Variants in ATP6V0A2 observed in about 807,000 individuals in gnomAD.
The protein encoded by ATP6V0A2 is ATPase H+ transporting V0 subunit a2.
ATP6V0A2 carries 58 observed loss-of-function variants against 104.4 expected under a neutral mutation model. The observed-to-expected ratio is 0.56, with a 90% CI of 0.45 to 0.69. ATP6V0A2 has a LOEUF of 0.69. Among genes scored for constraint, ATP6V0A2 ranks in the 30% least tolerant of loss-of-function variants. The pLI is 0.00. For missense variants in ATP6V0A2, 938 were observed against 1,062.9 expected (o/e 0.88, Z 1.63); for synonymous variants, 376 against 397.9 (o/e 0.95, Z 0.65).
intron 9 of ATP6V0A2, among the ~76,000 whole-genome samples, chr12:123,738,069 A>G (rs1000309309): frequency 6.6e-6 from 1 of 152,198 alleles, no homozygotes; most frequent in African/African-American, 2.4e-5. Flanking sequence ...CAGCTATTGT[A>G]TTTCTCTCAT....
chr12:123,724,563 A>G (rs1253270584), intron 3 of ATP6V0A2, 91 bp from the exon 4 acceptor site: 1 of 1,396,402 alleles, frequency 7.2e-7, no homozygotes, highest in African/African-American at 1.5e-5. Context: ...AAACAAAAAA[A>G]CCCACTGTTT....
chr12:123,742,011 C>T (rs1383880930), intron 9 of ATP6V0A2, among the ~76,000 whole-genome samples: 4 of 152,260 alleles, frequency 2.6e-5, no homozygotes, highest in South Asian at 2.1e-4. Context: ...TTTTCTCTTT[C>T]GTTCCTGTCC....
chr12:123,719,496 C>T (rs1316523519), intron 2 of ATP6V0A2, among the ~76,000 whole-genome samples: 2 of 151,902 alleles, frequency 1.3e-5, no homozygotes, highest in Non-Finnish European at 2.9e-5. Flanking sequence ...CAGCGATTCT[C>T]CTGCTTCAGC....
At chr12:123,742,664 C>T (rs1294665946) in intron 9 of ATP6V0A2, among the ~76,000 whole-genome samples, 1 of 152,040 alleles carries the variant, frequency 6.6e-6, no homozygotes, top group Non-Finnish European at 1.5e-5. Flanking sequence ...TGGTGAAACT[C>T]CGTCTCTACT....
At chr12:123,755,091 C>T (rs187655802) in intron 18 of ATP6V0A2, among the ~76,000 whole-genome samples, 12 of 152,256 alleles carry the variant, frequency 7.9e-5, no homozygotes, top group African/African-American at 2.2e-4. Context: ...AGTACCTAGC[C>T]GTGCAGTTAG....
intron 8 of ATP6V0A2, 113 bp downstream of exon 8, chr12:123,735,737 T>G: frequency 1.0e-6 from 1 of 955,262 alleles, no homozygotes; most frequent in African/African-American, 1.6e-5. Flanking sequence ...AATCAAGATG[T>G]TCTAGTGAGA....
At chr12:123,741,372 A>G (rs1457449545) in intron 9 of ATP6V0A2, among the ~76,000 whole-genome samples, 1 of 151,980 alleles carries the variant, frequency 6.6e-6, no homozygotes, top group Admixed American at 6.6e-5. Context: ...ACTCCCTTGA[A>G]CCCCAGAGGC....
At chr12:123,756,731 G>A in intron 18 of ATP6V0A2, 84 bp from the exon 19 acceptor site, 3 of 1,458,076 alleles carry the variant, frequency 2.1e-6, no homozygotes, top group Non-Finnish European at 2.9e-6. Flanking sequence ...AGGGCCGTCA[G>A]GGGGAAACTC....
intron 3 of ATP6V0A2, 65 bp from the exon 4 acceptor site, chr12:123,724,589 A>C (rs974385958): frequency 6.4e-7 from 1 of 1,560,076 alleles, no homozygotes; most frequent in Non-Finnish European, 8.8e-7. Flanking sequence ...ATACTGCATG[A>C]AGATTATTGG....
chr12:123,717,968 G>T (rs1415039041), intron 1 of ATP6V0A2, among the ~76,000 whole-genome samples: 2 of 151,422 alleles, frequency 1.3e-5, no homozygotes, highest in Non-Finnish European at 2.9e-5. Context: ...TGTGTCACCT[G>T]GGCTGGATTG....
intron 2 of ATP6V0A2, among the ~76,000 whole-genome samples, chr12:123,719,760 C>T (rs1169281759): frequency 2.0e-5 from 3 of 152,108 alleles, no homozygotes; most frequent in Non-Finnish European, 1.5e-5. Flanking sequence ...GCAAACTTCA[C>T]TTATCAGGCC....
intron 1 of ATP6V0A2, among the ~76,000 whole-genome samples, chr12:123,716,420 C>T (rs1956339783): frequency 6.6e-6 from 1 of 152,132 alleles, no homozygotes; most frequent in Non-Finnish European, 1.5e-5. Flanking sequence ...AATAACATTT[C>T]TTAATATAAT....
Position 123,747,600 on chromosome 12 carries a change from G to C in ATP6V0A2, c.1606-7G>C, listed in dbSNP as rs757225133. 3.8e-6 allele frequency: 6 copies of C among 1,579,764 alleles called. No homozygotes were observed. In the East Asian group the frequency reaches 1.3e-4, roughly 35 times the overall value. On this transcript the variant is annotated splice_polypyrimidine_tract_variant and splice_region_variant and intron_variant, in intron 13 of 19. Coordinates refer to ENST00000330342, the MANE Select transcript of ATP6V0A2 (RefSeq NM_012463.4). ...ATTCTGTTTTGTCTTGTTTGGTTTG[G>C]TTTTAGATTTGGAACTTGGCCACAA...
intron 3 of ATP6V0A2, 29 bp from the exon 4 acceptor site, chr12:123,724,625 C>G: frequency 1.2e-6 from 2 of 1,611,308 alleles, no homozygotes; most frequent in East Asian, 2.2e-5. Context: ...TAATTACTAC[C>G]CTCTTAAGTA....
At position 123,747,653 on chromosome 12, in the gene ATP6V0A2, A is replaced by G; in HGVS notation, c.1652A>G (p.Lys551Arg). Residue 551 changes from lysine (K) to arginine (R), a missense_variant, in exon 14 of 20, where the codon AAA becomes AGA. By Grantham distance (26) the Lys-to-Arg change is conservative. Coordinates refer to ENST00000330342, the MANE Select transcript of ATP6V0A2 (RefSeq NM_012463.4). ...CGCCTCACTTTTCTAAACTCTTTCA[A>G]AATGAAAATGTCCGTGATTTTAGGA... is the stretch of plus-strand genomic sequence containing the variant. ...TNRLTFLNSF[K>R]MKMSVILGII... 6.2e-7 allele frequency: 1 copy of G among 1,613,968 alleles called. No homozygotes were observed. Among genetic ancestry groups the G allele is most frequent in the Admixed American group, 1.7e-5 (1 of 60,034 alleles).
chr12:123,743,959 C>T (rs1250795257), intron 10 of ATP6V0A2, 24 bp downstream of exon 10: 1 of 1,613,708 alleles, frequency 6.2e-7, no homozygotes, highest in South Asian at 1.1e-5. Context: ...TTTGTAAATA[C>T]CCGTATTTCC....
chr12:123,752,231 T>A lies in ATP6V0A2; in HGVS notation c.2056-52T>A, dbSNP rs1159524127. 1.9e-6 allele frequency: 3 copies of A among 1,612,202 alleles called. No individual in the cohort carries two copies. The Admixed American group carries it at 5.0e-5, about 27-fold the overall frequency. ...AAGAAACTATACAAGTTTGGTTTTG[T>A]CACAACCTTGTGGTTTTACAGGCAC... On this transcript the variant is annotated intron_variant, in intron 16 of 19. Coordinates refer to ENST00000330342, the MANE Select transcript of ATP6V0A2 (RefSeq NM_012463.4).
chr12:123,743,614 T>C (rs1469819695), intron 9 of ATP6V0A2, among the ~76,000 whole-genome samples, 171 bp from the exon 10 acceptor site: 1 of 151,754 alleles, frequency 6.6e-6, no homozygotes, highest in African/African-American at 2.4e-5. Context: ...GATCACACCA[T>C]TGCACTCCAG....
chr12:123,756,669 A>G (rs1956767018), intron 18 of ATP6V0A2, 146 bp from the exon 19 acceptor site: 2 of 780,896 alleles, frequency 2.6e-6, no homozygotes, highest in Non-Finnish European at 2.1e-6. Flanking sequence ...CACATGAGAA[A>G]CAGTTGGGTC....
Sources: gnomAD v4.1 joint callset for allele counts (sites outside exome capture counted in the v4.1 genomes callset) on GRCh38, gnomAD v4.1.1 for gene constraint, MANE v1.5 for transcripts, NCBI Gene and HGNC (gene_info 2026-07-23, HGNC 2026-07-21) for gene names.